Variants in TIMMDC1 observed in about 807,000 individuals in gnomAD.
TIMMDC1 encodes the protein complex I assembly factor TIMMDC1, mitochondrial.
Under a neutral mutation model 32.6 loss-of-function variants are expected in TIMMDC1, and 25 were observed. The ratio of observed to expected loss-of-function variants is 0.77; its 90% CI spans 0.56 to 1.07. The LOEUF (loss-of-function observed/expected upper bound fraction) is 1.07. TIMMDC1 is among the 50% of genes least tolerant of loss of function. TIMMDC1 has a pLI of 0.00. For missense variants in TIMMDC1, 329 were observed against 349.2 expected (o/e 0.94, Z 0.46); for synonymous variants, 130 against 127.6 (o/e 1.02, Z -0.13).
At chr3:119,501,156 T>C (rs981236679) in intron 2 of TIMMDC1, among the ~76,000 whole-genome samples, 2 of 152,198 alleles carry the variant, frequency 1.3e-5, no homozygotes, top group African/African-American at 2.4e-5. Flanking sequence ...CTGTAACATA[T>C]TTACCTCATT....
intron 4 of TIMMDC1, among the ~76,000 whole-genome samples, chr3:119,507,933 A>G (rs144373726): frequency 7.9e-4 from 121 of 152,298 alleles, no homozygotes; most frequent in African/African-American, 2.7e-3. Context: ...ACAGGATACT[A>G]CAGTGGGTTG....
At chr3:119,514,115 G>A (rs771024300) in intron 5 of TIMMDC1, among the ~76,000 whole-genome samples, 2 of 136,066 alleles carry the variant, frequency 1.5e-5, no homozygotes, top group Non-Finnish European at 3.2e-5. Context: ...AGCATATTCT[G>A]TAAAAATTGT....
chr3:119,520,103 C>G (rs1324814372), intron 6 of TIMMDC1, among the ~76,000 whole-genome samples: 1 of 152,042 alleles, frequency 6.6e-6, no homozygotes, highest in African/African-American at 2.4e-5. Flanking sequence ...TGGGATACAG[C>G]AAAAGCATCA....
chr3:119,503,871 T>C lies in TIMMDC1; in HGVS notation c.450-83T>C, dbSNP rs2081898190. On this transcript the variant is annotated intron_variant, in intron 3 of 6. Coordinates refer to ENST00000494664, the MANE Select transcript of TIMMDC1 (RefSeq NM_016589.4). Reference sequence around the variant, plus strand: ...GATATAGTAGGCTTTTCTAAATCTATTAAGTCAGTGAAAATAACACTCAAG... The same window carrying C: ...GATATAGTAGGCTTTTCTAAATCTACTAAGTCAGTGAAAATAACACTCAAG... 22 of 1,230,038 alleles carry C rather than the reference T, an allele frequency of 1.8e-5. No individual in the cohort carries two copies. In the South Asian group the frequency reaches 2.6e-4, roughly 14 times the overall value. The allele number at this position is 1,230,038 out of a possible 1,614,324, so 76.2% of individuals were successfully genotyped here.
rs1038305433 is a variant in TIMMDC1, at chr3:119,505,120, C to G, written c.517+1099C>G. Reference sequence around the variant, plus strand: ...AAGTAGATTTTAAGTGTTCTCACCACAAAAAATAGTATGTGAAGTAACGTG... The same window carrying G: ...AAGTAGATTTTAAGTGTTCTCACCAGAAAAAATAGTATGTGAAGTAACGTG... On this transcript the variant is annotated intron_variant, in intron 4 of 6. Coordinates refer to ENST00000494664, the MANE Select transcript of TIMMDC1 (RefSeq NM_016589.4). Among the ~76,000 whole-genome samples the G allele has an allele frequency of 4.0e-5, 6 of 151,300 alleles. No individual in the cohort carries two copies. In the East Asian group the frequency reaches 1.2e-3, roughly 29 times the overall value.
chr3:119,499,525 C>A (rs1237805405), intron 1 of TIMMDC1, among the ~76,000 whole-genome samples: 1 of 151,442 alleles, frequency 6.6e-6, no homozygotes, highest in Non-Finnish European at 1.5e-5. Context: ...TCAAGCGGTT[C>A]TCCTGCCTCA....
intron 6 of TIMMDC1, among the ~76,000 whole-genome samples, chr3:119,519,594 C>T (rs923029592): frequency 5.3e-5 from 8 of 152,002 alleles, no homozygotes; most frequent in Admixed American, 2.0e-4. Flanking sequence ...ACCAGAGCAT[C>T]CATATATATA....
rs543167014 is a variant in TIMMDC1, at chr3:119,499,696, C to CTGAGGGG, written c.194+773_194+774insGGGTGAG. ...CTCCCAAAGTGCTGGGATTACAGGC[C>CTGAGGGG]TGAGCCACCGCGGCTGGACTGCGCC... On this transcript the variant is annotated intron_variant, in intron 1 of 6. Coordinates refer to ENST00000494664, the MANE Select transcript of TIMMDC1 (RefSeq NM_016589.4). Among the ~76,000 whole-genome samples the CTGAGGGG allele has an allele frequency of 4.1e-3, 627 of 151,774 alleles. 2 individuals carry two copies. The highest frequency in any genetic ancestry group is 0.014 in the African/African-American group (595 of 41,388).
At chr3:119,519,319 TA>T (rs543470803) in intron 6 of TIMMDC1, among the ~76,000 whole-genome samples, 5 of 151,696 alleles carry the variant, frequency 3.3e-5, no homozygotes, top group African/African-American at 4.8e-5. Flanking sequence ...GCTGAATGAA[TA>T]AAAAAAAGTT....
intron 5 of TIMMDC1, among the ~76,000 whole-genome samples, chr3:119,514,858 G>T (rs1376558804): frequency 6.6e-6 from 1 of 152,090 alleles, no homozygotes; most frequent in Non-Finnish European, 1.5e-5. Flanking sequence ...CTCTGGGGAA[G>T]AATCTGTTTC....
chr3:119,521,378 A>G (rs2082025931), intron 6 of TIMMDC1, among the ~76,000 whole-genome samples: 1 of 152,148 alleles, frequency 6.6e-6, no homozygotes, highest in Admixed American at 6.6e-5. Context: ...GACATGGTGA[A>G]ACCCCATTTC....
rs988138918 is a variant in TIMMDC1, at chr3:119,524,256, GAAATA to G, written c.*506_*510del. The stretch of plus-strand genomic sequence containing the variant: ...AACAAAGATGATTTCTTTGACACTT[GAAATA>G]AAATACAAATTCAACAAAAAGTAGA... On this transcript the variant is annotated 3_prime_UTR_variant, in exon 7 of 7. Coordinates refer to ENST00000494664, the MANE Select transcript of TIMMDC1 (RefSeq NM_016589.4). 2 of 152,138 alleles carry G rather than the reference GAAATA, an allele frequency of 1.3e-5. No homozygotes were observed. The highest frequency in any genetic ancestry group is 4.8e-5 in the African/African-American group (2 of 41,424). 9.4% of individuals were successfully genotyped at this position (152,138 alleles called of 1,614,324 possible). A position where few individuals can be genotyped will look rare whatever the true frequency, so the allele number is the denominator to read the frequency against.
Position 119,513,733 on chromosome 3 carries a change from T to G in TIMMDC1, c.596+14T>G, listed in dbSNP as rs765372885. 1 of 1,571,392 alleles carries G rather than the reference T, an allele frequency of 6.4e-7. No homozygotes were observed. Among genetic ancestry groups the G allele is most frequent in the Non-Finnish European group, 8.6e-7 (1 of 1,161,572 alleles). The stretch of plus-strand genomic sequence containing the variant: ...AGCCTTGCTGGGGTAAGCATTAACA[T>G]GGTTTGGTTCTAAATTGGCACAATT... On this transcript the variant is annotated intron_variant, in intron 5 of 6. Transcript: ENST00000494664.
rs905659742 is a variant in TIMMDC1 at position 119,524,479 on chromosome 3, T to C, written c.*723T>C. 1.3e-5 allele frequency: 2 copies of C among 152,006 alleles called. No individual in the cohort carries two copies. Among genetic ancestry groups the C allele is most frequent in the African/African-American group, 4.8e-5 (2 of 41,258 alleles). The allele number at this position is 152,006 out of a possible 1,614,324, so 9.4% of individuals were successfully genotyped here. A position where few individuals can be genotyped will look rare whatever the true frequency, so the allele number is the denominator to read the frequency against. On this transcript the variant is annotated 3_prime_UTR_variant, in exon 7 of 7. Coordinates refer to ENST00000494664, the MANE Select transcript of TIMMDC1 (RefSeq NM_016589.4). ...AAACACTGCTAGTACCTTATGTTGG[T>C]GTTAGACCTCTCTGCCCTACACTGA... is the stretch of plus-strand genomic sequence containing the variant.
chr3:119,522,553 G>A (rs912266649), intron 6 of TIMMDC1, among the ~76,000 whole-genome samples: 1 of 152,192 alleles, frequency 6.6e-6, no homozygotes, highest in Admixed American at 6.5e-5. Context: ...GTAGCTGGAA[G>A]AGAGGATATT....
intron 5 of TIMMDC1, among the ~76,000 whole-genome samples, chr3:119,516,784 C>T (rs2081987341): frequency 6.6e-6 from 1 of 152,106 alleles, no homozygotes; most frequent in Non-Finnish European, 1.5e-5. Flanking sequence ...CCAGAAATGC[C>T]CTCCACATTT....
chr3:119,499,524 T>C (rs2081853848), intron 1 of TIMMDC1, among the ~76,000 whole-genome samples: 1 of 151,896 alleles, frequency 6.6e-6, no homozygotes, highest in South Asian at 2.1e-4. Flanking sequence ...TTCAAGCGGT[T>C]CTCCTGCCTC....
At chr3:119,520,966 CAGAA>C (rs544387366) in intron 6 of TIMMDC1, among the ~76,000 whole-genome samples, 123 of 152,032 alleles carry the variant, frequency 8.1e-4, no homozygotes, top group African/African-American at 2.4e-3. Context: ...ATCATATAAA[CAGAA>C]GGAAGGAAAA....
intron 6 of TIMMDC1, among the ~76,000 whole-genome samples, chr3:119,523,246 C>T (rs2107736767): frequency 6.6e-6 from 1 of 152,216 alleles, no homozygotes; most frequent in East Asian, 1.9e-4. Flanking sequence ...ACTTACATTC[C>T]CCCAGCCCTG....
Sources: allele counts gnomAD v4.1 joint callset (sites outside exome capture counted in the v4.1 genomes callset), GRCh38; gene constraint gnomAD v4.1.1; transcripts MANE v1.5; gene names NCBI Gene and HGNC (gene_info 2026-07-23, HGNC 2026-07-21).